The following ATP2A2 variants were observed in gnomAD, a reference collection of about 807,000 sequenced individuals.
The protein encoded by ATP2A2 is ATPase sarcoplasmic/endoplasmic reticulum Ca2+ transporting 2, also known as sarcoplasmic/endoplasmic reticulum calcium ATPase 2.
Under a neutral mutation model 109.3 loss-of-function variants are expected in ATP2A2, and 14 were observed. The observed-to-expected ratio is 0.13, with a 90% CI of 0.08 to 0.20. ATP2A2 has a LOEUF of 0.20. Among genes scored for constraint, ATP2A2 ranks in the 10% least tolerant of loss-of-function variants. The pLI is 1.00. For missense variants in ATP2A2, 657 were observed against 1,321.6 expected (o/e 0.50, Z 7.80); for synonymous variants, 506 against 490.9 (o/e 1.03, Z -0.41).
Position 110,350,588 on chromosome 12 carries a change from CCTT to C in ATP2A2, c.*4119_*4121del. 1.9e-6 allele frequency: 1 copy of C among 513,262 alleles called. No individual in the cohort carries two copies. The highest frequency in any genetic ancestry group is 2.6e-5 in the South Asian group (1 of 39,176). 31.8% of individuals were successfully genotyped at this position (513,262 alleles called of 1,614,324 possible). On this transcript the variant is annotated 3_prime_UTR_variant, in exon 20 of 20. Transcript: ENST00000539276. ...CTGCAAGAGGAATGAGGCTCTGTAA[CCTT>C]ATCTAAGAACTTGGAAGCCGTCAGC...
chr12:110,346,513 A>T lies in ATP2A2; in HGVS notation c.*43A>T, dbSNP rs907752090. 3.2e-5 allele frequency: 52 copies of T among 1,611,600 alleles called. No homozygotes were observed. The highest frequency in any genetic ancestry group is 1.1e-4 in the African/African-American group (8 of 74,786). ...AGAAGATGTTTAACTTAATCAATTA[A>T]TTTTTTTATTGTTTAAAGCAACTGT... On this transcript the variant is annotated 3_prime_UTR_variant, in exon 20 of 20. Transcript: ENST00000539276.
Position 110,346,364 on chromosome 12 carries a change from C to T in ATP2A2, c.3023C>T (p.Ser1008Leu), listed in dbSNP as rs151157805. The change falls in exon 20 of 20, where the codon TCG becomes TTG. Residue 1008 changes from serine to leucine, a missense_variant. Ser to Leu is a moderately radical substitution (Grantham distance 145). Coordinates refer to ENST00000539276, the MANE Select transcript of ATP2A2 (RefSeq NM_170665.4). The part of the protein sequence containing the change: ...VQPATKSCSF[S>L]ACTDGISWPF... ...CCTGCCACCAAATCCTGCTCGTTCTCGGCATGCACCGATGGGATTTCCTGG... is the reference window on the plus strand; with the variant it reads ...CCTGCCACCAAATCCTGCTCGTTCTTGGCATGCACCGATGGGATTTCCTGG... The T allele has an allele frequency of 3.0e-5, 49 of 1,614,126 alleles. 1 individual carries two copies. The highest frequency in any genetic ancestry group is 4.4e-5 in the South Asian group (4 of 91,080).
chr12:110,348,107 A>G lies in ATP2A2; in HGVS notation c.*1637A>G, dbSNP rs1272152884. On this transcript the variant is annotated 3_prime_UTR_variant, in exon 20 of 20. Transcript: ENST00000539276. ...GACCAACAGGCTGAAGGAGCTGTGCAGACTATTGCTAAAATGAGGGTTCGC... is the reference window on the plus strand; with the variant it reads ...GACCAACAGGCTGAAGGAGCTGTGCGGACTATTGCTAAAATGAGGGTTCGC... 1 of 985,640 alleles carries G rather than the reference A, an allele frequency of 1.0e-6. No homozygotes were observed. Among genetic ancestry groups the G allele is most frequent in the Admixed American group, 6.1e-5 (1 of 16,310 alleles). 61.1% of individuals were successfully genotyped at this position (985,640 alleles called of 1,614,324 possible).
intron 3 of ATP2A2, 58 bp downstream of exon 3, chr12:110,282,853 A>G: frequency 1.4e-6 from 2 of 1,407,114 alleles, no homozygotes; most frequent in Non-Finnish European, 9.9e-7. Flanking sequence ...TTCCATAGAT[A>G]AATCAGAAAA....
intron 5 of ATP2A2, among the ~76,000 whole-genome samples, chr12:110,302,368 T>A (rs1191763544): frequency 6.6e-6 from 1 of 152,072 alleles, no homozygotes; most frequent in Admixed American, 6.6e-5. Context: ...TGAGTTTAAA[T>A]CCCTTAGGTG....
chr12:110,293,826 ATGTGTGTGTG>A (rs59260681), intron 4 of ATP2A2, among the ~76,000 whole-genome samples: 133 of 108,576 alleles, frequency 1.2e-3, no homozygotes, highest in South Asian at 3.5e-3. Context: ...TGCCATATAT[ATGTGTGTGTG>A]TGTGTGTGTG....
intron 4 of ATP2A2, among the ~76,000 whole-genome samples, chr12:110,294,992 T>G (rs976030594): frequency 2.6e-5 from 4 of 151,880 alleles, no homozygotes; most frequent in Non-Finnish European, 5.9e-5. Context: ...GTTAATTTTT[T>G]GTATTTTTAG....
At chr12:110,306,387 C>T (rs1171323898) in intron 5 of ATP2A2, among the ~76,000 whole-genome samples, 1 of 152,082 alleles carries the variant, frequency 6.6e-6, no homozygotes, top group Non-Finnish European at 1.5e-5. Context: ...GGTACATGTG[C>T]AGGTTTGTTA....
chr12:110,314,911 G>A (rs962131583), intron 5 of ATP2A2, among the ~76,000 whole-genome samples: 1 of 149,270 alleles, frequency 6.7e-6, no homozygotes, highest in East Asian at 2.0e-4. Flanking sequence ...CTGTCGCCCA[G>A]GCTGGAGTGC....
intron 5 of ATP2A2, among the ~76,000 whole-genome samples, chr12:110,321,800 C>A (rs1877274009): frequency 6.6e-6 from 1 of 152,114 alleles, no homozygotes; most frequent in South Asian, 2.1e-4. Context: ...GGGCACTATT[C>A]TCAAGGTGCA....
At chr12:110,283,806 T>C (rs913183312) in intron 3 of ATP2A2, among the ~76,000 whole-genome samples, 5 of 152,200 alleles carry the variant, frequency 3.3e-5, no homozygotes, top group African/African-American at 9.7e-5. Context: ...TACATATATG[T>C]ATGCAGGTCC....
intron 4 of ATP2A2, among the ~76,000 whole-genome samples, chr12:110,294,895 C>G (rs1434220297): frequency 6.6e-6 from 1 of 152,106 alleles, no homozygotes; most frequent in African/African-American, 2.4e-5. Flanking sequence ...TCTTGGCCCA[C>G]TGCAGCCTCC....
Position 110,348,550 on chromosome 12 carries a change from G to A in ATP2A2, c.*2080G>A. Reference sequence around the variant, plus strand: ...GGCCCACGTTCAAGGGATGGAGGTGGAACCTGGAGACCGACTCTTAAAAGC... The same window carrying A: ...GGCCCACGTTCAAGGGATGGAGGTGAAACCTGGAGACCGACTCTTAAAAGC... On this transcript the variant is annotated 3_prime_UTR_variant, in exon 20 of 20. Transcript: ENST00000539276. 1 of 985,528 alleles carries A rather than the reference G, an allele frequency of 1.0e-6. No individual in the cohort carries two copies. Among genetic ancestry groups the A allele is most frequent in the Non-Finnish European group, 1.2e-6 (1 of 830,042 alleles). 61.0% of individuals were successfully genotyped at this position (985,528 alleles called of 1,614,324 possible).
chr12:110,323,697 G>A (rs529604890), intron 6 of ATP2A2, among the ~76,000 whole-genome samples: 63 of 152,254 alleles, frequency 4.1e-4, no homozygotes, highest in Non-Finnish European at 4.7e-4. Flanking sequence ...TCAGGAGGCT[G>A]GGTGAAAAGA....
At chr12:110,299,043 C>T (rs1040292367) in intron 5 of ATP2A2, among the ~76,000 whole-genome samples, 1 of 152,144 alleles carries the variant, frequency 6.6e-6, no homozygotes, top group Non-Finnish European at 1.5e-5. Context: ...CATCACGGCT[C>T]ACTGCAGCGT....
chr12:110,302,501 C>G (rs1566210329), intron 5 of ATP2A2, among the ~76,000 whole-genome samples: 1 of 152,020 alleles, frequency 6.6e-6, no homozygotes, highest in Non-Finnish European at 1.5e-5. Context: ...CCCAGCTCTT[C>G]CCCCACAGTA....
chr12:110,321,475 A>G (rs116428186), intron 5 of ATP2A2, among the ~76,000 whole-genome samples: 1,578 of 152,138 alleles, frequency 0.01, 33 homozygotes, highest in Middle Eastern at 0.044. Flanking sequence ...TTTTGTTGTT[A>G]TTATTGTTGT....
chr12:110,319,942 G>T (rs1877070770), intron 5 of ATP2A2, among the ~76,000 whole-genome samples: 1 of 152,050 alleles, frequency 6.6e-6, no homozygotes, highest in Non-Finnish European at 1.5e-5. Flanking sequence ...CAGATTTTGA[G>T]TTTTTTGTGT....
At chr12:110,345,680 CACAG>C (rs1446221136) in intron 18 of ATP2A2, 2 of 572,302 alleles carry the variant, frequency 3.5e-6, no homozygotes, top group South Asian at 2.0e-5. Context: ...CACCCTTTCA[CACAG>C]ACAAATGGTA....
Sources: allele counts gnomAD v4.1 joint callset (sites outside exome capture counted in the v4.1 genomes callset), GRCh38; gene constraint gnomAD v4.1.1; transcripts MANE v1.5; gene names NCBI Gene and HGNC (gene_info 2026-07-23, HGNC 2026-07-21).